MVB12B: variants seen among roughly 807,000 people sequenced by gnomAD.
MVB12B encodes multivesicular body subunit 12B, also known as ESCRT-I complex subunit MVB12B.
In MVB12B, 16 loss-of-function variants were observed where a neutral mutation model predicts 41.6. That is an observed-to-expected ratio of 0.38 (90% confidence interval 0.26 to 0.58). The LOEUF is 0.58. MVB12B is among the 20% of genes least tolerant of loss of function. The pLI is 0.62. For synonymous variants in MVB12B, 133 were observed against 139.7 expected (o/e 0.95, Z 0.34); for missense variants, 274 against 380.2 (o/e 0.72, Z 2.32).
intron 2 of MVB12B, among the ~76,000 whole-genome samples, chr9:126,357,584 C>T (rs1043892699): frequency 6.6e-6 from 1 of 151,200 alleles, no homozygotes; most frequent in Non-Finnish European, 1.5e-5. Context: ...TTGCATTTCT[C>T]TAACAAGTAA....
intron 2 of MVB12B, among the ~76,000 whole-genome samples, chr9:126,360,415 C>A (rs759307330): frequency 6.6e-6 from 1 of 152,128 alleles, no homozygotes; most frequent in Non-Finnish European, 1.5e-5. Context: ...ATAAAACTAT[C>A]TGTAATTTAT....
chr9:126,451,310 C>T (rs564233923), intron 7 of MVB12B, among the ~76,000 whole-genome samples: 5 of 152,186 alleles, frequency 3.3e-5, no homozygotes, highest in African/African-American at 7.2e-5. Context: ...GCCCTGCCCA[C>T]GGTAGGTGCT....
chr9:126,455,509 G>A (rs544079173), intron 7 of MVB12B, among the ~76,000 whole-genome samples: 17 of 152,096 alleles, frequency 1.1e-4, no homozygotes, highest in Admixed American at 5.9e-4. Context: ...TTTTGAGACA[G>A]GGTCTTTCTC....
chr9:126,481,551 T>C (rs1357103954), intron 8 of MVB12B, 127 bp downstream of exon 8: 1 of 738,656 alleles, frequency 1.4e-6, no homozygotes, highest in Non-Finnish European at 2.4e-6. Context: ...CGGAATCTTG[T>C]CCGCCTGCGT....
Position 126,340,665 on chromosome 9 carries a change from C to A in MVB12B, c.204+35C>A. The A allele has an allele frequency of 6.2e-6, 10 of 1,608,210 alleles. No homozygotes were observed. The highest frequency in any genetic ancestry group is 7.7e-6 in the Non-Finnish European group (9 of 1,175,602). On this transcript the variant is annotated intron_variant, in intron 2 of 9. Transcript: ENST00000361171. This position sits in a 1 kb window ranked among gnomAD's most constrained non-coding sequence, Gnocchi z 4.0. ...GATACTAGTTTGTACATTTTGCTCA[C>A]TGATTCTACAAGTATTTATCTCCTG...
intron 6 of MVB12B, among the ~76,000 whole-genome samples, chr9:126,409,481 T>TGGGG (rs1564315724): frequency 5.7e-5 from 2 of 35,302 alleles, no homozygotes; most frequent in East Asian, 3.1e-4. Context: ...AGAATTAAAT[T>TGGGG]GGGGGGGGAC....
At chr9:126,477,752 G>A (rs1377774983) in intron 7 of MVB12B, among the ~76,000 whole-genome samples, 1 of 152,162 alleles carries the variant, frequency 6.6e-6, no homozygotes, top group Non-Finnish European at 1.5e-5. Context: ...ATATTTGGGC[G>A]GGGACATAGC....
rs1324484851 is a variant in MVB12B, at chr9:126,486,444, C to T, written c.873+2412C>T. Among the ~76,000 whole-genome samples the T allele has an allele frequency of 2.0e-5, 3 of 152,156 alleles. No homozygotes were observed. The highest frequency in any genetic ancestry group is 3.9e-4 in the East Asian group (2 of 5,184). On this transcript the variant is annotated intron_variant, in intron 9 of 9. Coordinates refer to ENST00000361171, the MANE Select transcript of MVB12B (RefSeq NM_033446.3). The surrounding 1 kb of genome is among the most constrained non-coding windows in gnomAD (Gnocchi z 4.7). Reference sequence around the variant, plus strand: ...ACACTGACATACCTCCAGACCAGCCCGCTCCACTGTGGACAGGGGCAAGTC... The same window carrying T: ...ACACTGACATACCTCCAGACCAGCCTGCTCCACTGTGGACAGGGGCAAGTC...
Position 126,340,764 on chromosome 9 carries a change from G to T in MVB12B, c.204+134G>T. On this transcript the variant is annotated intron_variant, in intron 2 of 9. Transcript: ENST00000361171. The surrounding 1 kb of genome is among the most constrained non-coding windows in gnomAD (Gnocchi z 4.0). ...AGGAACTTAATCCAGGGAGGGCGTG[G>T]AGAGCATCCTGGTTTGGGAGTCAGA... 4 of 1,088,842 alleles carry T rather than the reference G, an allele frequency of 3.7e-6. No individual in the cohort carries two copies. The highest frequency in any genetic ancestry group is 3.9e-6 in the Non-Finnish European group (3 of 769,172). 67.4% of individuals were successfully genotyped at this position (1,088,842 alleles called of 1,614,324 possible).
At chr9:126,414,832 T>A (rs575012789) in intron 6 of MVB12B, among the ~76,000 whole-genome samples, 35 of 152,160 alleles carry the variant, frequency 2.3e-4, no homozygotes, top group Admixed American at 3.9e-4. Context: ...TTTTTTTTTT[T>A]AATTTTTATC....
At chr9:126,498,609 G>A (rs1362096809) in intron 9 of MVB12B, among the ~76,000 whole-genome samples, 1 of 152,128 alleles carries the variant, frequency 6.6e-6, no homozygotes, top group African/African-American at 2.4e-5. Flanking sequence ...AGGTTTCCCA[G>A]CCAGCCCAGC....
intron 6 of MVB12B, among the ~76,000 whole-genome samples, chr9:126,411,268 T>G (rs2119058386): frequency 6.6e-6 from 1 of 152,352 alleles, no homozygotes; most frequent in South Asian, 2.1e-4. Context: ...TATTCAGAGC[T>G]TTTACTTTGT....
intron 2 of MVB12B, among the ~76,000 whole-genome samples, chr9:126,344,089 G>C (rs960301270): frequency 6.7e-6 from 1 of 149,184 alleles, no homozygotes; most frequent in Middle Eastern, 3.2e-3. Context: ...AAAGTGAGAC[G>C]AATCAAACAC....
At chr9:126,387,780 C>T (rs561263724) in intron 4 of MVB12B, among the ~76,000 whole-genome samples, 1 of 152,248 alleles carries the variant, frequency 6.6e-6, no homozygotes, top group East Asian at 1.9e-4. Context: ...TCAGAAGACC[C>T]CTCTTTAGAG....
At chr9:126,481,937 C>T (rs932565724) in intron 8 of MVB12B, among the ~76,000 whole-genome samples, 5 of 152,252 alleles carry the variant, frequency 3.3e-5, no homozygotes, top group Non-Finnish European at 5.9e-5. Flanking sequence ...ACACGGAGGC[C>T]GCCATGCAAA....
At chr9:126,361,380 AT>A (rs1011684823) in intron 2 of MVB12B, among the ~76,000 whole-genome samples, 18 of 151,872 alleles carry the variant, frequency 1.2e-4, no homozygotes, top group African/African-American at 3.6e-4. Context: ...GTTGGCATAC[AT>A]TTTTTTTCTA....
chr9:126,433,444 C>T (rs1190148900), intron 7 of MVB12B, among the ~76,000 whole-genome samples: 6 of 150,562 alleles, frequency 4.0e-5, no homozygotes, highest in Non-Finnish European at 5.9e-5. Flanking sequence ...GATGTCTCTT[C>T]GTGGTGGCCT....
intron 2 of MVB12B, among the ~76,000 whole-genome samples, chr9:126,368,620 T>TAGAAA (rs1830247555): frequency 6.6e-6 from 1 of 152,170 alleles, no homozygotes; most frequent in East Asian, 1.9e-4. Context: ...AGAGTGAAAA[T>TAGAAA]ATTACCTTTC....
intron 7 of MVB12B, among the ~76,000 whole-genome samples, chr9:126,460,247 A>C (rs1045957292): frequency 6.6e-6 from 1 of 152,186 alleles, no homozygotes; most frequent in Non-Finnish European, 1.5e-5. Context: ...CAATGAGGCA[A>C]CTTTGCTGCC....
Sources: gnomAD v4.1 joint callset for allele counts (sites outside exome capture counted in the v4.1 genomes callset) on GRCh38, gnomAD v4.1.1 for gene constraint, Gnocchi (gnomAD v3.1) non-coding constraint, MANE v1.5 for transcripts, NCBI Gene and HGNC (gene_info 2026-07-23, HGNC 2026-07-21) for gene names.